GRM8: variants seen among roughly 807,000 people sequenced by gnomAD.
GRM8 encodes the protein metabotropic glutamate receptor 8.
In GRM8, 47 loss-of-function variants were observed where a neutral mutation model predicts 87.2. The observed-to-expected ratio is 0.54, with a 90% CI of 0.43 to 0.69. The LOEUF is 0.69. Among genes scored for constraint, GRM8 ranks in the 30% least tolerant of loss-of-function variants. The pLI is 0.00. For synonymous variants in GRM8, 396 were observed against 404.5 expected (o/e 0.98, Z 0.25); for missense variants, 1,019 against 1,139.2 (o/e 0.89, Z 1.52).
intron 9 of GRM8, among the ~76,000 whole-genome samples, chr7:126,483,266 T>C (rs549904766): frequency 4.9e-5 from 7 of 142,276 alleles, no homozygotes; most frequent in African/African-American, 1.0e-4. Context: ...CTAACCAAAA[T>C]TGAAAAACAA....
At position 127,162,798 on chromosome 7, in the gene GRM8, C is replaced by T. The variant is rs1332851861; in HGVS notation, c.511-56086G>A. On this transcript the variant is annotated intron_variant, in intron 2 of 10. Transcript: ENST00000339582. ...TTTGAAAGGCAGTCAGAGTAGCTTC[C>T]CTATGCCATGATTTATCAATGTCTG... Among the ~76,000 whole-genome samples, 3 of 152,276 alleles carry T rather than the reference C, an allele frequency of 2.0e-5. 1 individual carries two copies. The East Asian group carries it at 5.8e-4, about 29-fold the overall frequency.
chr7:126,447,567 C>A (rs1348955202), intron 9 of GRM8, among the ~76,000 whole-genome samples: 1 of 151,804 alleles, frequency 6.6e-6, no homozygotes, highest in East Asian at 1.9e-4. Flanking sequence ...ATCCTCAAGA[C>A]CAAACTAATT....
At chr7:126,559,319 T>C (rs1053538852) in intron 8 of GRM8, among the ~76,000 whole-genome samples, 45 of 151,878 alleles carry the variant, frequency 3.0e-4, no homozygotes, top group Non-Finnish European at 1.5e-5. Flanking sequence ...ATTACAGGCA[T>C]GTACCACCAC....
At chr7:127,086,132 G>A (rs1337104563) in intron 3 of GRM8, among the ~76,000 whole-genome samples, 6 of 152,126 alleles carry the variant, frequency 3.9e-5, no homozygotes, top group African/African-American at 9.7e-5. Context: ...ATGGAGTCTC[G>A]CTCTGTCACC....
chr7:126,516,992 A>G (rs1812267350), intron 9 of GRM8, among the ~76,000 whole-genome samples: 1 of 152,102 alleles, frequency 6.6e-6, no homozygotes, highest in African/African-American at 2.4e-5. Flanking sequence ...ATGTTATAAC[A>G]TATCTCTTTC....
intron 9 of GRM8, among the ~76,000 whole-genome samples, chr7:126,526,233 T>G (rs1562920349): frequency 6.6e-6 from 1 of 152,310 alleles, no homozygotes; most frequent in East Asian, 1.9e-4. Context: ...GTCCTGGGTG[T>G]CATTAAGGTT....
At chr7:126,721,615 T>G (rs1812401475) in intron 7 of GRM8, among the ~76,000 whole-genome samples, 1 of 152,122 alleles carries the variant, frequency 6.6e-6, no homozygotes, top group African/African-American at 2.4e-5. Context: ...TAATACTTTC[T>G]TCCTTTCATT....
Position 126,797,838 on chromosome 7 carries a change from C to A in GRM8, c.1157-27773G>T, listed in dbSNP as rs562379047. On this transcript the variant is annotated intron_variant, in intron 6 of 10. Transcript: ENST00000339582. ...AAATTGACTGCTCTCTCTCTTCTCC[C>A]TCATAGCAACATGAACTTTTGTCTG... 4.9e-4 allele frequency among the ~76,000 whole-genome samples: 74 copies of A among 152,188 alleles called. 1 individual carries two copies. The highest frequency in any genetic ancestry group is 1.6e-3 in the African/African-American group (68 of 41,520).
intron 6 of GRM8, among the ~76,000 whole-genome samples, chr7:126,861,405 A>C (rs915834939): frequency 6.6e-6 from 1 of 152,056 alleles, no homozygotes; most frequent in Admixed American, 6.6e-5. Context: ...TGGCACATAC[A>C]TGAGAATTTC....
In GRM8 at chr7:126,709,463, G is replaced by A. The variant is rs552037412; in HGVS notation, c.1357+60402C>T. ...GGAGGAAGAAGAGGAAGAAGAGGAC[G>A]AAAAAGAGGAAGAGGAAGAAGAAGA... On this transcript the variant is annotated intron_variant, in intron 7 of 10. Coordinates refer to ENST00000339582, the MANE Select transcript of GRM8 (RefSeq NM_000845.3). 2.0e-4 allele frequency among the ~76,000 whole-genome samples: 30 copies of A among 151,320 alleles called. No individual in the cohort carries two copies. The East Asian group carries it at 4.6e-3, about 23-fold the overall frequency.
intron 9 of GRM8, among the ~76,000 whole-genome samples, chr7:126,468,751 T>C (rs2150547267): frequency 6.6e-6 from 1 of 152,268 alleles, no homozygotes; most frequent in South Asian, 2.1e-4. Flanking sequence ...GCTACCAGAA[T>C]GCTGAAAGTT....
intron 3 of GRM8, among the ~76,000 whole-genome samples, chr7:127,064,987 C>T (rs1259082465): frequency 1.3e-5 from 2 of 152,156 alleles, no homozygotes; most frequent in African/African-American, 4.8e-5. Context: ...AGCAGAACTA[C>T]CATTCTAACC....
At chr7:126,507,397 T>A (rs1280382634) in intron 9 of GRM8, among the ~76,000 whole-genome samples, 1 of 152,100 alleles carries the variant, frequency 6.6e-6, no homozygotes, top group East Asian at 1.9e-4. Context: ...AGTGTGAGGA[T>A]GAACTTGTGT....
intron 6 of GRM8, among the ~76,000 whole-genome samples, chr7:126,867,925 A>T (rs1488385798): frequency 6.6e-6 from 1 of 152,256 alleles, no homozygotes; most frequent in East Asian, 1.9e-4. Context: ...CAGCAGAAAA[A>T]AATATATGAT....
intron 3 of GRM8, among the ~76,000 whole-genome samples, chr7:127,032,972 G>A (rs1312331679): frequency 2.7e-5 from 4 of 150,220 alleles, no homozygotes; most frequent in African/African-American, 4.9e-5. Flanking sequence ...TCCTTAATCA[G>A]TGGATCTCCA....
chr7:126,927,979 A>T (rs1289284194), intron 3 of GRM8, among the ~76,000 whole-genome samples: 1 of 152,194 alleles, frequency 6.6e-6, no homozygotes, highest in Non-Finnish European at 1.5e-5. Context: ...AATGTCCATC[A>T]ATGATAGACT....
chr7:126,647,596 C>T (rs1394491775), intron 7 of GRM8, among the ~76,000 whole-genome samples: 1 of 152,114 alleles, frequency 6.6e-6, no homozygotes, highest in Non-Finnish European at 1.5e-5. Context: ...AGCTCCCTCT[C>T]CTCCATTCCA....
At chr7:126,915,992 C>G (rs571597161) in intron 3 of GRM8, among the ~76,000 whole-genome samples, 60 of 152,164 alleles carry the variant, frequency 3.9e-4, no homozygotes, top group African/African-American at 1.4e-3. Flanking sequence ...TTGTTTTTGC[C>G]ATTTCAAATT....
intron 3 of GRM8, among the ~76,000 whole-genome samples, chr7:127,006,764 T>C (rs1388807918): frequency 6.6e-6 from 1 of 152,060 alleles, no homozygotes; most frequent in Non-Finnish European, 1.5e-5. Flanking sequence ...CTTGAACGTC[T>C]TCTCTTCTTT....
Sources: allele counts gnomAD v4.1 joint callset (sites outside exome capture counted in the v4.1 genomes callset), GRCh38; gene constraint gnomAD v4.1.1; transcripts MANE v1.5; gene names NCBI Gene and HGNC (gene_info 2026-07-23, HGNC 2026-07-21).